The following PARP3 variants were observed in gnomAD, a reference collection of about 807,000 sequenced individuals.
The protein encoded by PARP3 is protein mono-ADP-ribosyltransferase PARP3.
In PARP3, 46 loss-of-function variants were observed where a neutral mutation model predicts 58.2. The observed-to-expected ratio is 0.79, with a 90% CI of 0.62 to 1.01. The LOEUF (loss-of-function observed/expected upper bound fraction) is 1.01, where lower values mean the gene tolerates loss of function less well. Among genes scored for constraint, PARP3 ranks in the 50% least tolerant of loss-of-function variants. The probability of loss-of-function intolerance (pLI) is 0.00; values close to 1 mark genes in which losing one functional copy is unlikely to be tolerated. For synonymous variants in PARP3, 252 were observed against 266.4 expected (o/e 0.95, Z 0.53); for missense variants, 663 against 683.9 (o/e 0.97, Z 0.34).
In PARP3 at chr3:51,944,339, AG is replaced by A. The variant is rs754975306; in HGVS notation, c.313-49del. On this transcript the variant is annotated intron_variant, in intron 3 of 10. Coordinates refer to ENST00000398755, the MANE Select transcript of PARP3 (RefSeq NM_001003931.4). The surrounding 1 kb of genome is among the most constrained non-coding windows in gnomAD (Gnocchi z 4.2). ...CAGCACAGGGCCTGGCCCGACACACAGGCCAGCAAATGCTGATGGTGGGCAT... is the reference window on the plus strand; with the variant it reads ...CAGCACAGGGCCTGGCCCGACACACAGCCAGCAAATGCTGATGGTGGGCAT... 186 of 1,607,550 alleles carry A rather than the reference AG, an allele frequency of 1.2e-4. No individual in the cohort carries two copies. In the African/African-American group the frequency reaches 2.4e-3, roughly 21 times the overall value.
Position 51,944,777 on chromosome 3 carries a change from G to A in PARP3, c.502-1G>A, listed in dbSNP as rs200036380. ...TGCCCACATGTGCCCTCTATCTTCA[G>A]GTGGACAGAGGCCCAGTGAGGACTG... On this transcript the variant is annotated splice_acceptor_variant, in intron 4 of 10. Coordinates refer to ENST00000398755, the MANE Select transcript of PARP3 (RefSeq NM_001003931.4). LOFTEE classifies it high-confidence loss of function. This position sits in a 1 kb window ranked among gnomAD's most constrained non-coding sequence, Gnocchi z 4.2. 279 of 1,607,684 alleles carry A rather than the reference G, an allele frequency of 1.7e-4. No individual in the cohort carries two copies. Among genetic ancestry groups the A allele is most frequent in the Non-Finnish European group, 2.0e-4 (241 of 1,177,312 alleles).
Position 51,944,546 on chromosome 3 carries a change from G to A in PARP3, c.469G>A (p.Ala157Thr). The A allele has an allele frequency of 6.2e-7, 1 of 1,614,246 alleles. No individual in the cohort carries two copies. The highest frequency in any genetic ancestry group is 8.5e-7 in the Non-Finnish European group (1 of 1,180,030). ...CAAGTACACACTTATCGAAGTACAG[G>A]CAGAGGATGAGGCCCAGGAAGCTGT... ...PGKYTLIEVQ[A>T]EDEAQEAVVK... is the part of the protein sequence containing the mutation. The change falls in exon 4 of 11, where the codon GCA becomes ACA. Residue 157 changes from alanine (A) to threonine (T), a missense_variant. Around this residue, in one of 3 missense-constraint regions of PARP3, gnomAD observed 567 missense variants for 553.6 expected, o/e 1.02. Transcript: ENST00000398755. This position sits in a 1 kb window ranked among gnomAD's most constrained non-coding sequence, Gnocchi z 4.2.
Position 51,944,122 on chromosome 3 carries a change from AC to A in PARP3, c.219del (p.Asn74ThrfsTer45), listed in dbSNP as rs750089813. The A allele has an allele frequency of 1.2e-6, 2 of 1,613,318 alleles. No individual in the cohort carries two copies. Among genetic ancestry groups the A allele is most frequent in the Non-Finnish European group, 1.7e-6 (2 of 1,179,790 alleles). ...YEDYNCTLNQ[T>X]NIENNNNKFY... ...GGACTACAACTGCACCCTGAACCAG[AC>A]CAACATCGAGAACAACAACAACAAG... On this transcript the variant is annotated frameshift_variant, in exon 3 of 11. Transcript: ENST00000398755. LOFTEE classifies it high-confidence loss of function. This position sits in a 1 kb window ranked among gnomAD's most constrained non-coding sequence, Gnocchi z 4.2.
At position 51,944,408 on chromosome 3, in the gene PARP3, A is replaced by G. The variant is rs1699620823; in HGVS notation, c.331A>G (p.Lys111Glu). 3.7e-6 allele frequency: 6 copies of G among 1,613,910 alleles called. No individual in the cohort carries two copies. Among genetic ancestry groups the G allele is most frequent in the Non-Finnish European group, 5.1e-6 (6 of 1,180,030 alleles). Residue 111 changes from lysine (K) to glutamate (E), a missense_variant, in exon 4 of 11, where the codon AAG becomes GAG. Transcript: ENST00000398755. The surrounding 1 kb of genome is among the most constrained non-coding windows in gnomAD (Gnocchi z 4.2). ...WGRVGEVGQS[K>E]INHFTRLEDA... ...GTTGCAGGGAGAGGTCGGCCAGTCAAAGATCAACCACTTCACAAGGCTAGA... is the reference window on the plus strand; with the variant it reads ...GTTGCAGGGAGAGGTCGGCCAGTCAGAGATCAACCACTTCACAAGGCTAGA...
Position 51,945,938 on chromosome 3 carries a change from A to T in PARP3, c.1097A>T (p.Glu366Val), listed in dbSNP as rs772102477. ...QHIWKVNQEG[E>V]EDRFQAHSKL... ...ATCTGGAAAGTAAACCAAGAAGGGG[A>T]GGTGAGGGAGGTTCCCCCACCTCTC... is the stretch of plus-strand genomic sequence containing the variant. Residue 366 changes from glutamate (E) to valine (V), a missense_variant and splice_region_variant, in exon 8 of 11, where the codon GAG becomes GTG. Coordinates refer to ENST00000398755, the MANE Select transcript of PARP3 (RefSeq NM_001003931.4). The T allele has an allele frequency of 6.2e-7, 1 of 1,612,652 alleles. No homozygotes were observed. Among genetic ancestry groups the T allele is most frequent in the Non-Finnish European group, 8.5e-7 (1 of 1,178,720 alleles).
chr3:51,947,547 G>A (rs1699708107), intron 9 of PARP3, 193 bp from the exon 10 acceptor site: 3 of 619,500 alleles, frequency 4.8e-6, no homozygotes, highest in Non-Finnish European at 8.5e-6. Flanking sequence ...GGGTACAGAT[G>A]CCTGGCCATA....
Position 51,948,408 on chromosome 3 carries a change from C to T in PARP3, c.1530C>T (p.Phe510=). The T allele has an allele frequency of 1.2e-6, 2 of 1,614,154 alleles. No homozygotes were observed. Among genetic ancestry groups the T allele is most frequent in the Non-Finnish European group, 1.7e-6 (2 of 1,179,980 alleles). ...VPCPEFSSST[F]SQSEYLIYQE... is the part of the protein sequence containing the mutation. ...GCCCAGAGTTCAGCAGCTCCACATT[C>T]TCCCAGAGCGAGTACCTCATCTACC... Residue 510 remains phenylalanine (F), a synonymous_variant, in exon 11 of 11, where the codon TTC becomes TTT. Coordinates refer to ENST00000398755, the MANE Select transcript of PARP3 (RefSeq NM_001003931.4).
chr3:51,944,827 C>G lies in PARP3; in HGVS notation c.551C>G (p.Ser184Cys). Residue 184 changes from serine to cysteine, a missense_variant, in exon 5 of 11, where the codon TCC (serine) becomes TGC (cysteine). Transcript: ENST00000398755. The surrounding 1 kb of genome is among the most constrained non-coding windows in gnomAD (Gnocchi z 4.2). ...GTGACTAAGCGGGTGCAGCCCTGCT[C>G]CCTGGACCCAGCCACGCAGAAGCTC... ...RTVTKRVQPC[S>C]LDPATQKLIT... is the part of the protein sequence containing the mutation. The G allele has an allele frequency of 6.2e-7, 1 of 1,613,876 alleles. No individual in the cohort carries two copies. Among genetic ancestry groups the G allele is most frequent in the South Asian group, 1.1e-5 (1 of 91,068 alleles).
rs77898224 is a variant in PARP3, at chr3:51,943,476, G to T, written c.121G>T (p.Ala41Ser). ...STAEALKAIP[A>S]EKRIIRVDPT... Reference sequence around the variant, plus strand: ...CGCTGAGGCCCTCAAGGCCATACCCGCAGAGAAGCGCATAATCCGCGTGGA... The same window carrying T: ...CGCTGAGGCCCTCAAGGCCATACCCTCAGAGAAGCGCATAATCCGCGTGGA... Residue 41 changes from alanine to serine, a missense_variant, in exon 2 of 11, where the codon GCA becomes TCA. Physicochemically the swap from Ala to Ser is moderately conservative, Grantham distance 99. Transcript: ENST00000398755. 2.0e-3 allele frequency: 3,223 copies of T among 1,610,670 alleles called. 79 individuals carry two copies. In the African/African-American group the frequency reaches 0.038, roughly 19 times the overall value.
chr3:51,945,284 C>T, intron 6 of PARP3, 60 bp downstream of exon 6: 5 of 1,534,788 alleles, frequency 3.3e-6, no homozygotes, highest in East Asian at 2.3e-5. Context: ...CCTAGGCGAG[C>T]GAGATGAAGG....
At chr3:51,945,771 G>T in intron 7 of PARP3, 82 bp from the exon 8 acceptor site, 1 of 1,529,482 alleles carries the variant, frequency 6.5e-7, no homozygotes, top group South Asian at 1.1e-5. Flanking sequence ...GGCCTGAGGA[G>T]GGCTTGGGAC....
chr3:51,944,391 G>A lies in PARP3; in HGVS notation c.314G>A (p.Gly105Glu), dbSNP rs1699620366. The A allele has an allele frequency of 6.2e-7, 1 of 1,613,652 alleles. No homozygotes were observed. Residue 105 changes from glycine to glutamate, a missense_variant and splice_region_variant, in exon 4 of 11, where the codon GGA becomes GAA. Gly to Glu is a moderately conservative substitution (Grantham distance 98, BLOSUM62 -2). This residue lies in a region of PARP3 where 567 missense variants were observed against 553.6 expected (regional missense o/e 1.02). Transcript: ENST00000398755. The surrounding 1 kb of genome is among the most constrained non-coding windows in gnomAD (Gnocchi z 4.2). ...ACCCCTGAAGGCTGTCGGTTGCAGG[G>A]AGAGGTCGGCCAGTCAAAGATCAAC... ...FTCWNRWGRVGEVGQSKINHF... is the reference protein window; with the variant it reads ...FTCWNRWGRVEEVGQSKINHF...
At chr3:51,947,699 G>A (rs1364326482) in intron 9 of PARP3, 41 bp from the exon 10 acceptor site, 1 of 1,610,432 alleles carries the variant, frequency 6.2e-7, no homozygotes, top group East Asian at 2.2e-5. Context: ...TCAGCAGGAG[G>A]CAGGCTGAGC....
chr3:51,944,495 C>T lies in PARP3; in HGVS notation c.418C>T (p.Arg140Trp), dbSNP rs201155006. 1.0e-3 allele frequency: 1,660 copies of T among 1,614,144 alleles called. No homozygotes were observed. The highest frequency in any genetic ancestry group is 1.5e-3 in the Middle Eastern group (9 of 6,062). The change falls in exon 4 of 11, where the codon CGG becomes TGG. Residue 140 changes from arginine to tryptophan, a missense_variant. By Grantham distance (101) the Arg-to-Trp change is moderately radical. Coordinates refer to ENST00000398755, the MANE Select transcript of PARP3 (RefSeq NM_001003931.4). The surrounding 1 kb of genome is among the most constrained non-coding windows in gnomAD (Gnocchi z 4.2). ...REKTKNNWAE[R>W]DHFVSHPGKY... The stretch of plus-strand genomic sequence containing the variant: ...AAAGACCAAGAACAACTGGGCAGAG[C>T]GGGACCACTTTGTGTCTCACCCGGG...
Position 51,942,453 on chromosome 3 carries a change from A to G in PARP3, c.-258A>G. 1.6e-6 allele frequency: 1 copy of G among 621,100 alleles called. No individual in the cohort carries two copies. The highest frequency in any genetic ancestry group is 1.8e-5 in the South Asian group (1 of 55,796). The allele number at this position is 621,100 out of a possible 1,614,324, so 38.5% of individuals were successfully genotyped here. ...CCCCGGCCTTGGATATGCCAGATCG[A>G]GTGTCCACCCGTCCGTGGGACTGGT... On this transcript the variant is annotated 5_prime_UTR_variant, in exon 1 of 11. Coordinates refer to ENST00000398755, the MANE Select transcript of PARP3 (RefSeq NM_001003931.4).
intron 2 of PARP3, 99 bp downstream of exon 2, chr3:51,943,637 A>G: frequency 8.7e-7 from 1 of 1,148,944 alleles, no homozygotes; most frequent in Non-Finnish European, 1.2e-6. Flanking sequence ...TTTGGAGCCC[A>G]AGGCCCCCAG....
intron 9 of PARP3, 119 bp from the exon 10 acceptor site, chr3:51,947,621 T>G: frequency 4.7e-6 from 5 of 1,059,574 alleles, no homozygotes; most frequent in East Asian, 2.6e-5. Context: ...TGGGGGAGAG[T>G]GAGCCTTTTC....
chr3:51,945,089 C>A lies in PARP3; in HGVS notation c.726C>A (p.Gly242=). 3 of 1,614,176 alleles carry A rather than the reference C, an allele frequency of 1.9e-6. No homozygotes were observed. The highest frequency in any genetic ancestry group is 2.5e-6 in the Non-Finnish European group (3 of 1,180,022). ...ALEALEEALK[G]PTDGGQSLEE... ...AGGCGCTGGAGGAGGCCCTGAAAGG[C>A]CCCACGGATGGTGGCCAAAGCCTGG... Residue 242 remains glycine, a synonymous_variant, in exon 6 of 11, where the codon GGC becomes GGA. Coordinates refer to ENST00000398755, the MANE Select transcript of PARP3 (RefSeq NM_001003931.4).
Position 51,942,544 on chromosome 3 carries a change from C to G in PARP3, c.-167C>G. 2.8e-6 allele frequency: 2 copies of G among 715,656 alleles called. No homozygotes were observed. Among genetic ancestry groups the G allele is most frequent in the Admixed American group, 4.0e-5 (2 of 49,696 alleles). 44.3% of individuals were successfully genotyped at this position (715,656 alleles called of 1,614,324 possible). On this transcript the variant is annotated 5_prime_UTR_variant, in exon 1 of 11. In the 5' UTR this introduces an upstream ATG that the reference lacks. Coordinates refer to ENST00000398755, the MANE Select transcript of PARP3 (RefSeq NM_001003931.4). Reference sequence around the variant, plus strand: ...GGTGGCCAAATAGCCGATGTCTAATCCCCCACACAAGCTCATCCCCGGCCT... The same window carrying G: ...GGTGGCCAAATAGCCGATGTCTAATGCCCCACACAAGCTCATCCCCGGCCT...
Sources: gnomAD v4.1 joint callset for allele counts on GRCh38, gnomAD v4.1.1 for gene constraint, gnomAD v4.1.1 regional missense constraint, Gnocchi (gnomAD v3.1) non-coding constraint, MANE v1.5 for transcripts, NCBI Gene and HGNC (gene_info 2026-07-23, HGNC 2026-07-21) for gene names.